The following HIC1 variants were observed in gnomAD, a reference collection of about 807,000 sequenced individuals.
HIC1 encodes HIC ZBTB transcriptional repressor 1.
HIC1 carries 9 observed loss-of-function variants against 26.4 expected under a neutral mutation model. The ratio of observed to expected loss-of-function variants is 0.34; its 90% confidence interval spans 0.21 to 0.59. The LOEUF is 0.59. Ranked by LOEUF, HIC1 falls within the 20% of genes least tolerant of loss-of-function variation. The pLI, the probability that HIC1 is intolerant of heterozygous loss-of-function variation, is 0.82. For synonymous variants in HIC1, 631 were observed against 523.1 expected, an observed-to-expected ratio of 1.21 and a Z score of -2.81; for missense variants, 965 against 1,075.7, an observed-to-expected ratio of 0.90 and a Z score of 1.44.
Position 2,057,734 on chromosome 17 carries a change from CG to C in HIC1, c.1050del (p.Pro352ArgfsTer82). 1.9e-5 allele frequency: 26 copies of C among 1,397,676 alleles called. No individual in the cohort carries two copies. Among genetic ancestry groups the C allele is most frequent in the South Asian group, 1.1e-4 (7 of 64,054 alleles). The allele number at this position is 1,397,676 out of a possible 1,614,324, so 86.6% of individuals were successfully genotyped here. The part of the protein sequence containing the change: ...ERGGDAAVSP[G>X]GPPLGLAPPP... The stretch of plus-strand genomic sequence containing the variant: ...GTGGTGGGGACGCGGCCGTCTCGCC[CG>C]GGGGGCCCCCGCTCGGCCTGGCGCC... On this transcript the variant is annotated frameshift_variant, in exon 2 of 2. Coordinates refer to ENST00000619757, the MANE Select transcript of HIC1 (RefSeq NM_006497.4). LOFTEE classifies it high-confidence loss of function.
Position 2,057,109 on chromosome 17 carries a change from G to C in HIC1, c.419G>C (p.Arg140Pro). The C allele has an allele frequency of 7.5e-7, 1 of 1,331,484 alleles. No homozygotes were observed. Among genetic ancestry groups the C allele is most frequent in the South Asian group, 2.1e-5 (1 of 46,670 alleles). 82.5% of individuals were successfully genotyped at this position (1,331,484 alleles called of 1,614,324 possible). The change falls in exon 2 of 2, where the codon CGG becomes CCG. Residue 140 changes from arginine (R) to proline (P), a missense_variant. Arg to Pro is a moderately radical substitution (Grantham distance 103). Transcript: ENST00000619757. ...CGCCACGGCAAGTACTGCCACCTGC[G>C]GGGCGGCGGCGGCGGCGGCGGCGGC... ...LKRHGKYCHL[R>P]GGGGGGGGYA...
At position 2,057,765 on chromosome 17, in the gene HIC1, C is replaced by A; in HGVS notation, c.1075C>A (p.Pro359Thr). 7.0e-7 allele frequency: 1 copy of A among 1,421,846 alleles called. No individual in the cohort carries two copies. The allele number at this position is 1,421,846 out of a possible 1,614,324, so 88.1% of individuals were successfully genotyped here. A position where few individuals can be genotyped will look rare whatever the true frequency, so the allele number is the denominator to read the frequency against. ...GCCCCCGCTCGGCCTGGCGCCGCCG[C>A]CGCGCTACCCTGGCAGCCTGGACGG... ...GGPPLGLAPP[P>T]RYPGSLDGPG... Residue 359 changes from proline (P) to threonine (T), a missense_variant, in exon 2 of 2, where the codon CCG becomes ACG. This residue lies in a region of HIC1 where 526 missense variants were observed against 525.0 expected (regional missense o/e 1.00). Transcript: ENST00000619757.
rs1357133743 is a variant in HIC1 at position 2,061,328 on chromosome 17, G to A, written c.*2493G>A. The A allele has an allele frequency of 2.9e-6, 2 of 681,956 alleles. No homozygotes were observed. Among genetic ancestry groups the A allele is most frequent in the South Asian group, 1.9e-5 (1 of 52,454 alleles). 42.2% of individuals were successfully genotyped at this position (681,956 alleles called of 1,614,324 possible). A position where few individuals can be genotyped will look rare whatever the true frequency, so the allele number is the denominator to read the frequency against. On this transcript the variant is annotated 3_prime_UTR_variant, in exon 2 of 2. Coordinates refer to ENST00000619757, the MANE Select transcript of HIC1 (RefSeq NM_006497.4). The stretch of plus-strand genomic sequence containing the variant: ...CCGATCCTTGGGAGGGGCTCTGTGA[G>A]GAGCAGGTCCCCCACAGCATGGCCG...
Position 2,057,944 on chromosome 17 carries a change from C to T in HIC1, c.1254C>T (p.Tyr418=). Residue 418 remains tyrosine, a synonymous_variant, in exon 2 of 2, where the codon TAC becomes TAT. Transcript: ENST00000619757. ...GEPESFGDNL[Y]VCIPCGKGFP... Reference sequence around the variant, plus strand: ...CCGAGAGCTTCGGTGACAACCTGTACGTGTGCATTCCGTGCGGCAAGGGCT... The same window carrying T: ...CCGAGAGCTTCGGTGACAACCTGTATGTGTGCATTCCGTGCGGCAAGGGCT... 6.2e-7 allele frequency: 1 copy of T among 1,610,638 alleles called. No individual in the cohort carries two copies. Among genetic ancestry groups the T allele is most frequent in the Non-Finnish European group, 8.5e-7 (1 of 1,178,974 alleles).
At position 2,058,200 on chromosome 17, in the gene HIC1, C is replaced by A. The variant is rs1397539417; in HGVS notation, c.1510C>A (p.Arg504=). ...GAGCTACAAGGACCCGGCCACGCTGCGGCAGCACGAGAAGACGCACTGGCT... is the reference window on the plus strand; with the variant it reads ...GAGCTACAAGGACCCGGCCACGCTGAGGCAGCACGAGAAGACGCACTGGCT... ...DKSYKDPATL[R]QHEKTHWLTR... is the part of the protein sequence containing the mutation. Residue 504 remains arginine, a synonymous_variant, in exon 2 of 2, where the codon CGG becomes AGG. Coordinates refer to ENST00000619757, the MANE Select transcript of HIC1 (RefSeq NM_006497.4). 5 of 1,611,234 alleles carry A rather than the reference C, an allele frequency of 3.1e-6. No individual in the cohort carries two copies. The highest frequency in any genetic ancestry group is 3.4e-6 in the Non-Finnish European group (4 of 1,179,804).
chr17:2,062,289 A>G lies in HIC1; in HGVS notation c.*3454A>G, dbSNP rs757064199. 5 of 152,290 alleles carry G rather than the reference A, an allele frequency of 3.3e-5. No individual in the cohort carries two copies. Among genetic ancestry groups the G allele is most frequent in the Non-Finnish European group, 7.3e-5 (5 of 68,100 alleles). 9.4% of individuals were successfully genotyped at this position (152,290 alleles called of 1,614,324 possible). A position where few individuals can be genotyped will look rare whatever the true frequency, so the allele number is the denominator to read the frequency against. On this transcript the variant is annotated 3_prime_UTR_variant, in exon 2 of 2. Coordinates refer to ENST00000619757, the MANE Select transcript of HIC1 (RefSeq NM_006497.4). ...ACAGAAGAGTAAAAAGGAAGAGTAG[A>G]GTTAAGATGATGATCCCAGTTCTCC...
Position 2,057,489 on chromosome 17 carries a change from C to T in HIC1, c.799C>T (p.Leu267=). The change falls in exon 2 of 2, where the codon CTG becomes TTG. Residue 267 remains leucine (L), a synonymous_variant. Coordinates refer to ENST00000619757, the MANE Select transcript of HIC1 (RefSeq NM_006497.4). ...PAAYKEPPLA[L]PSLPPLPFQK... is the part of the protein sequence containing the mutation. The stretch of plus-strand genomic sequence containing the variant: ...CGCCTACAAGGAGCCGCCTCTCGCC[C>T]TGCCGTCGCTGCCGCCGCTGCCCTT... 1 of 1,484,282 alleles carries T rather than the reference C, an allele frequency of 6.7e-7. No homozygotes were observed. Among genetic ancestry groups the T allele is most frequent in the Non-Finnish European group, 8.9e-7 (1 of 1,123,712 alleles). 91.9% of individuals were successfully genotyped at this position (1,484,282 alleles called of 1,614,324 possible).
rs200496232 is a variant in HIC1 at position 2,058,594 on chromosome 17, G to T, written c.1904G>T (p.Arg635Leu). 2 of 1,545,640 alleles carry T rather than the reference G, an allele frequency of 1.3e-6. No homozygotes were observed. The highest frequency in any genetic ancestry group is 1.7e-6 in the Non-Finnish European group (2 of 1,155,032). Reference protein sequence around the residue: ...DFPEGVFAVARLTAEQLSLKQ... With the variant: ...DFPEGVFAVALLTAEQLSLKQ... The stretch of plus-strand genomic sequence containing the variant: ...CCCGAGGGCGTCTTTGCTGTGGCTC[G>T]CCTCACGGCCGAGCAGCTGAGCCTG... Residue 635 changes from arginine to leucine, a missense_variant, in exon 2 of 2, where the codon CGC becomes CTC. Coordinates refer to ENST00000619757, the MANE Select transcript of HIC1 (RefSeq NM_006497.4).
rs1222111385 is a variant in HIC1, at chr17:2,058,087, C to T, written c.1397C>T (p.Pro466Leu). ...GCTGGGGCCGCCGGCCTAGGGCCCCCTTTTGGAGGCGGCGGGGACAAGGTC... is the reference window on the plus strand; with the variant it reads ...GCTGGGGCCGCCGGCCTAGGGCCCCTTTTTGGAGGCGGCGGGGACAAGGTC... The part of the protein sequence containing the change: ...VAAGAAGLGP[P>L]FGGGGDKVAG... The change falls in exon 2 of 2, where the codon CCT becomes CTT. Residue 466 changes from proline to leucine, a missense_variant. Physicochemically the swap from Pro to Leu is moderately conservative, Grantham distance 98 (BLOSUM62 -3). Transcript: ENST00000619757. The T allele has an allele frequency of 3.8e-6, 6 of 1,589,312 alleles. No homozygotes were observed. The highest frequency in any genetic ancestry group is 5.1e-6 in the Non-Finnish European group (6 of 1,170,814).
intron 1 of HIC1, chr17:2,056,443 C>A: frequency 7.1e-7 from 1 of 1,405,782 alleles, no homozygotes; most frequent in Non-Finnish European, 1.0e-6. Flanking sequence ...GCCGCCCTGG[C>A]CTCCCCTCCA....
At position 2,057,595 on chromosome 17, in the gene HIC1, G is replaced by A; in HGVS notation, c.905G>A (p.Arg302His). 1.3e-6 allele frequency: 2 copies of A among 1,505,072 alleles called. No individual in the cohort carries two copies. The highest frequency in any genetic ancestry group is 2.5e-5 in the South Asian group (2 of 81,542). 93.2% of individuals were successfully genotyped at this position (1,505,072 alleles called of 1,614,324 possible). A position where few individuals can be genotyped will look rare whatever the true frequency, so the allele number is the denominator to read the frequency against. ...AGCCCGGGACCCGAGCCCCCCGGCC[G>A]CCCCGACGGGCCTAGTCTCCTCTAT... ...SGSPGPEPPG[R>H]PDGPSLLYRW... Residue 302 changes from arginine (R) to histidine (H), a missense_variant, in exon 2 of 2, where the codon CGC (arginine) becomes CAC (histidine). Coordinates refer to ENST00000619757, the MANE Select transcript of HIC1 (RefSeq NM_006497.4).
chr17:2,058,355 C>T lies in HIC1; in HGVS notation c.1665C>T (p.Arg555=), dbSNP rs2067695546. The T allele has an allele frequency of 1.9e-6, 3 of 1,610,306 alleles. No individual in the cohort carries two copies. Among genetic ancestry groups the T allele is most frequent in the Non-Finnish European group, 1.7e-6 (2 of 1,178,878 alleles). The part of the protein sequence containing the change: ...ACDACGMRFT[R]QYRLTEHMRI... ...ACGCGTGCGGCATGCGGTTCACGCG[C>T]CAGTACCGCCTCACGGAGCACATGC... is the stretch of plus-strand genomic sequence containing the variant. Residue 555 remains arginine (R), a synonymous_variant, in exon 2 of 2, where the codon CGC becomes CGT. Coordinates refer to ENST00000619757, the MANE Select transcript of HIC1 (RefSeq NM_006497.4).
chr17:2,061,464 A>ATG lies in HIC1; in HGVS notation c.*2629_*2630insTG. On this transcript the variant is annotated 3_prime_UTR_variant, in exon 2 of 2. Transcript: ENST00000619757. ...CTGGTGGCCTTTCAGGAACGGTTCCACGGGGGGGGGGCCCCAGTGTGGCTC... is the reference window on the plus strand; with the variant it reads ...CTGGTGGCCTTTCAGGAACGGTTCCATGCGGGGGGGGGGCCCCAGTGTGGCTC... The ATG allele has an allele frequency of 8.1e-7, 1 of 1,240,030 alleles. No individual in the cohort carries two copies. Among genetic ancestry groups the ATG allele is most frequent in the Non-Finnish European group, 1.1e-6 (1 of 925,224 alleles). The allele number at this position is 1,240,030 out of a possible 1,614,324, so 76.8% of individuals were successfully genotyped here.
rs1310631133 is a variant in HIC1, at chr17:2,057,808, A to G, written c.1118A>G (p.Asp373Gly). The change falls in exon 2 of 2, where the codon GAC (aspartate) becomes GGC (glycine). Residue 373 changes from aspartate to glycine, a missense_variant. By Grantham distance (94) the Asp-to-Gly change is moderately conservative. Coordinates refer to ENST00000619757, the MANE Select transcript of HIC1 (RefSeq NM_006497.4). ...GSLDGPGAGG[D>G]GDDYKSSSEE... The stretch of plus-strand genomic sequence containing the variant: ...CTGGACGGGCCCGGCGCGGGCGGCG[A>G]CGGCGACGACTACAAGAGCAGCAGC... 3 of 1,547,146 alleles carry G rather than the reference A, an allele frequency of 1.9e-6. No individual in the cohort carries two copies. The highest frequency in any genetic ancestry group is 1.2e-5 in the South Asian group (1 of 84,168).
In HIC1 at chr17:2,061,604, A is replaced by T; in HGVS notation, c.*2769A>T. 6.4e-7 allele frequency: 1 copy of T among 1,572,614 alleles called. No homozygotes were observed. Among genetic ancestry groups the T allele is most frequent in the East Asian group, 2.4e-5 (1 of 42,314 alleles). ...ATCCGTCAACAGCACCACCTCCCGC[A>T]GTAGCCGGATTGGCTCCTCTGTGGG... is the stretch of plus-strand genomic sequence containing the variant. On this transcript the variant is annotated 3_prime_UTR_variant, in exon 2 of 2. Coordinates refer to ENST00000619757, the MANE Select transcript of HIC1 (RefSeq NM_006497.4).
chr17:2,056,580 G>T, intron 1 of HIC1, 91 bp from the exon 2 acceptor site: 1 of 1,449,792 alleles, frequency 6.9e-7, no homozygotes, highest in Non-Finnish European at 9.1e-7. Flanking sequence ...CTCAGCTGAG[G>T]GAAGGGGAAG....
In HIC1 at chr17:2,058,693, C is replaced by T. The variant is rs1167160414; in HGVS notation, c.2003C>T (p.Ala668Val). Residue 668 changes from alanine to valine, a missense_variant, in exon 2 of 2, where the codon GCG becomes GTG. Ala to Val is a moderately conservative substitution (Grantham distance 64). Around this residue, in one of 6 missense-constraint regions of HIC1, gnomAD observed 210 missense variants for 179.2 expected, o/e 1.17. Transcript: ENST00000619757. ...CACTTCCTGCACGACCCCAAGGTGG[C>T]GCTGGAGAGCCTCTACCCGCTGGCC... ...TTHFLHDPKV[A>V]LESLYPLAKF... is the part of the protein sequence containing the mutation. 1.3e-6 allele frequency: 2 copies of T among 1,547,732 alleles called. No homozygotes were observed. The highest frequency in any genetic ancestry group is 2.8e-5 in the African/African-American group (2 of 71,452).
In HIC1 at chr17:2,061,466, G is replaced by GGT. The variant is rs770234882; in HGVS notation, c.*2632_*2633insTG. 9 of 1,236,438 alleles carry GGT rather than the reference G, an allele frequency of 7.3e-6. No individual in the cohort carries two copies. Among genetic ancestry groups the GGT allele is most frequent in the South Asian group, 1.3e-5 (1 of 74,260 alleles). 76.6% of individuals were successfully genotyped at this position (1,236,438 alleles called of 1,614,324 possible). ...GGTGGCCTTTCAGGAACGGTTCCAC[G>GGT]GGGGGGGGGCCCCAGTGTGGCTCCC... On this transcript the variant is annotated 3_prime_UTR_variant, in exon 2 of 2. Coordinates refer to ENST00000619757, the MANE Select transcript of HIC1 (RefSeq NM_006497.4).
rs67703045 is a variant in HIC1, at chr17:2,061,922, T to C, written c.*3087T>C. On this transcript the variant is annotated 3_prime_UTR_variant, in exon 2 of 2. Transcript: ENST00000619757. Reference sequence around the variant, plus strand: ...CTCCCAGGACCCTAAACTGAGGGAATAGAAGCAGCCCCTTGACCTCTACTC... The same window carrying C: ...CTCCCAGGACCCTAAACTGAGGGAACAGAAGCAGCCCCTTGACCTCTACTC... The C allele has an allele frequency of 0.14, 45,874 of 317,468 alleles. 5,506 individuals are homozygous for C. The highest frequency in any genetic ancestry group is 0.61 in the East Asian group (8,696 of 14,354). The allele number at this position is 317,468 out of a possible 1,614,324, so 19.7% of individuals were successfully genotyped here. A position where few individuals can be genotyped will look rare whatever the true frequency, so the allele number is the denominator to read the frequency against.
Sources: gnomAD v4.1 joint callset for allele counts on GRCh38, gnomAD v4.1.1 for gene constraint, gnomAD v4.1.1 regional missense constraint, MANE v1.5 for transcripts, NCBI Gene and HGNC (gene_info 2026-07-23, HGNC 2026-07-21) for gene names.